Variants in COBLL1 observed in about 807,000 individuals in gnomAD.
COBLL1 encodes the protein cordon-bleu protein-like 1.
A neutral mutation model predicts 94.8 loss-of-function variants in COBLL1; 50 were observed. The observed-to-expected ratio is 0.53, with a 90% CI of 0.42 to 0.67. The LOEUF (loss-of-function observed/expected upper bound fraction) is 0.67. Ranked by LOEUF, COBLL1 falls within the 30% of genes least tolerant of loss-of-function variation. The pLI, the probability that COBLL1 is intolerant of heterozygous loss-of-function variation, is 0.00. For missense variants in COBLL1, 1,362 were observed against 1,348.7 expected, an observed-to-expected ratio of 1.01 and a Z score of -0.15; for synonymous variants, 448 against 473.8, an observed-to-expected ratio of 0.95 and a Z score of 0.71.
At chr2:164,715,692 A>T (rs558403368) in intron 7 of COBLL1, among the ~76,000 whole-genome samples, 5 of 152,242 alleles carry the variant, frequency 3.3e-5, no homozygotes, top group African/African-American at 1.2e-4. Flanking sequence ...CAGTTATTTT[A>T]AAACTAACAC....
chr2:164,741,299 CAAAG>C (rs144637461), intron 3 of COBLL1, among the ~76,000 whole-genome samples: 3,635 of 151,830 alleles, frequency 0.024, 62 homozygotes, highest in East Asian at 0.049. Flanking sequence ...AAAAGATACA[CAAAG>C]GAAGGAGAGT....
intron 2 of COBLL1, among the ~76,000 whole-genome samples, chr2:164,784,678 G>A (rs1160234254): frequency 6.6e-6 from 1 of 151,976 alleles, no homozygotes; most frequent in Admixed American, 6.6e-5. Context: ...CCTTAGAGGA[G>A]GCCATTCATG....
chr2:164,721,420 G>A (rs1176882134), intron 7 of COBLL1, among the ~76,000 whole-genome samples: 1 of 152,104 alleles, frequency 6.6e-6, no homozygotes, highest in African/African-American at 2.4e-5. Flanking sequence ...TTTGCAAATG[G>A]ATCTCCACAA....
chr2:164,824,327 G>A (rs889284211), intron 2 of COBLL1, among the ~76,000 whole-genome samples: 4 of 151,628 alleles, frequency 2.6e-5, no homozygotes, highest in African/African-American at 9.7e-5. Flanking sequence ...GTTGCAGTAA[G>A]CGGAGATCTC....
intron 7 of COBLL1, among the ~76,000 whole-genome samples, chr2:164,714,033 GA>G (rs975368838): frequency 6.6e-5 from 10 of 151,456 alleles, no homozygotes; most frequent in Admixed American, 2.0e-4. Flanking sequence ...AAAGGTGAAG[GA>G]AAAAAAATGA....
intron 9 of COBLL1, chr2:164,703,200 A>T (rs773044800): frequency 1.2e-6 from 2 of 1,613,180 alleles, no homozygotes. Context: ...TCCTGACTGG[A>T]AAGCCCAGGG....
chr2:164,789,728 A>C (rs1156519772), intron 2 of COBLL1, among the ~76,000 whole-genome samples: 2 of 152,194 alleles, frequency 1.3e-5, no homozygotes, highest in African/African-American at 4.8e-5. Flanking sequence ...CAGCAAGCCT[A>C]TTTCTCATAT....
intron 11 of COBLL1, 45 bp downstream of exon 11, chr2:164,699,360 A>G: frequency 8.1e-7 from 1 of 1,235,258 alleles, no homozygotes; most frequent in Non-Finnish European, 1.2e-6. Flanking sequence ...TCCTTGGCAC[A>G]TAATAAAAGT....
intron 2 of COBLL1, among the ~76,000 whole-genome samples, chr2:164,752,985 T>C (rs1027283680): frequency 6.6e-6 from 1 of 152,198 alleles, no homozygotes; most frequent in African/African-American, 2.4e-5. Context: ...TAGTTAGGAC[T>C]AGGGTCAAGG....
Position 164,716,258 on chromosome 2 carries a change from G to A in COBLL1, c.996+5817C>T, listed in dbSNP as rs181486357. ...CCATTTCACAAATGACAATCTTATC[G>A]TAAATAACTGTGTACATTTTATATA... is the stretch of plus-strand genomic sequence containing the variant. On this transcript the variant is annotated intron_variant, in intron 7 of 13. Coordinates refer to ENST00000652658, the MANE Select transcript of COBLL1 (RefSeq NM_001365672.2). 1.6e-4 allele frequency among the ~76,000 whole-genome samples: 24 copies of A among 152,120 alleles called. No homozygotes were observed. The East Asian group carries it at 2.3e-3, about 15-fold the overall frequency.
rs1466305301 is a variant in COBLL1 at position 164,685,919 on chromosome 2, A to C, written c.*27T>G. 7.0e-7 allele frequency: 1 copy of C among 1,420,694 alleles called. No homozygotes were observed. The highest frequency in any genetic ancestry group is 1.2e-5 in the South Asian group (1 of 84,976). 88.0% of individuals were successfully genotyped at this position (1,420,694 alleles called of 1,614,324 possible). A position where few individuals can be genotyped will look rare whatever the true frequency, so the allele number is the denominator to read the frequency against. ...ATGAAGTTGGTCTGAAGTGGAAGTG[A>C]AGTGCAGTGGTGTGGCAGGGTAACA... On this transcript the variant is annotated 3_prime_UTR_variant, in exon 14 of 14. Coordinates refer to ENST00000652658, the MANE Select transcript of COBLL1 (RefSeq NM_001365672.2).
intron 9 of COBLL1, chr2:164,703,252 A>T: frequency 6.9e-7 from 1 of 1,445,952 alleles, no homozygotes; most frequent in Non-Finnish European, 9.7e-7. Flanking sequence ...TAGAAATGGC[A>T]CTTAGACAAC....
chr2:164,768,710 A>G (rs184812022), intron 2 of COBLL1, among the ~76,000 whole-genome samples: 159 of 152,302 alleles, frequency 1.0e-3, no homozygotes, highest in African/African-American at 3.5e-3. Flanking sequence ...TCTACTGTAA[A>G]TCTTATTAGT....
At chr2:164,662,044 T>C (rs1359308814) in intron 2 of COBLL1, among the ~76,000 whole-genome samples, 2 of 152,226 alleles carry the variant, frequency 1.3e-5, no homozygotes. Flanking sequence ...AGGTTACTGA[T>C]ATTGTTTTTA....
chr2:164,698,425 C>T (rs995492302), intron 11 of COBLL1: 7 of 150,382 alleles, frequency 4.7e-5, no homozygotes, highest in African/African-American at 1.2e-4. Context: ...TATGACATTG[C>T]GATTATCTAT....
intron 7 of COBLL1, among the ~76,000 whole-genome samples, chr2:164,720,989 A>G (rs1448205665): frequency 2.6e-5 from 4 of 152,238 alleles, no homozygotes; most frequent in African/African-American, 9.6e-5. Context: ...CATAGAAATA[A>G]GAAACTTAAT....
intron 2 of COBLL1, among the ~76,000 whole-genome samples, chr2:164,814,397 T>G (rs539765399): frequency 1.3e-5 from 2 of 152,198 alleles, no homozygotes; most frequent in Non-Finnish European, 2.9e-5. Flanking sequence ...GAGTCTTTAC[T>G]TTCTGCTAGG....
chr2:164,810,283 G>A (rs1315427083), intron 2 of COBLL1, among the ~76,000 whole-genome samples: 1 of 151,080 alleles, frequency 6.6e-6, no homozygotes, highest in Non-Finnish European at 1.5e-5. Flanking sequence ...GGCTGGAGAG[G>A]TATGTTCTAG....
intron 2 of COBLL1, among the ~76,000 whole-genome samples, chr2:164,763,951 C>A (rs1687814809): frequency 6.6e-6 from 1 of 152,134 alleles, no homozygotes; most frequent in Non-Finnish European, 1.5e-5. Context: ...GGCTGGAGTG[C>A]AGGGGCGTAA....
Sources: allele counts gnomAD v4.1 joint callset (sites outside exome capture counted in the v4.1 genomes callset), GRCh38; gene constraint gnomAD v4.1.1; transcripts MANE v1.5; gene names NCBI Gene and HGNC (gene_info 2026-07-23, HGNC 2026-07-21).